The following ARHGAP6 variants were observed in gnomAD, a reference collection of about 807,000 sequenced individuals.
ARHGAP6 encodes rho GTPase-activating protein 6.
In ARHGAP6, 16 loss-of-function variants were observed where a neutral mutation model predicts 55.7. That is an observed-to-expected ratio of 0.29 (90% CI 0.19 to 0.44). The LOEUF (loss-of-function observed/expected upper bound fraction) is 0.44, where lower values mean the gene tolerates loss of function less well. Ranked by LOEUF, ARHGAP6 falls within the 20% of genes least tolerant of loss-of-function variation. The pLI, the probability that ARHGAP6 is intolerant of heterozygous loss-of-function variation, is 1.00. For synonymous variants in ARHGAP6, 382 were observed against 360.9 expected (o/e 1.06, Z -0.66); for missense variants, 698 against 808.9 (o/e 0.86, Z 1.66).
At chrX:11,283,015 A>G (rs774881980) in intron 1 of ARHGAP6, among the ~76,000 whole-genome samples, 29 of 111,666 alleles carry the variant, frequency 2.6e-4, no homozygotes, top group African/African-American at 7.5e-4. Flanking sequence ...CTATATCTCC[A>G]TGTGCTCTAT....
At chrX:11,533,097 A>G (rs1364896658) in intron 1 of ARHGAP6, among the ~76,000 whole-genome samples, 6 of 111,968 alleles carry the variant, frequency 5.4e-5, no homozygotes, top group African/African-American at 2.0e-4. Context: ...GGTAAACTGA[A>G]TAAAGAAGAT....
chrX:11,205,166 C>A (rs1400292527), intron 2 of ARHGAP6, among the ~76,000 whole-genome samples: 1 of 111,056 alleles, frequency 9.0e-6, no homozygotes, highest in Non-Finnish European at 1.9e-5. Flanking sequence ...GCATCACCTT[C>A]CTAGAAAGTA....
At chrX:11,225,803 A>C in intron 2 of ARHGAP6, 8 of 333,963 alleles carry the variant, frequency 2.4e-5, no homozygotes, top group Non-Finnish European at 4.2e-5. Context: ...AATACAACTC[A>C]TGAACAAAAA....
At chrX:11,195,445 T>C (rs1235243590) in intron 3 of ARHGAP6, among the ~76,000 whole-genome samples, 1 of 110,840 alleles carries the variant, frequency 9.0e-6, no homozygotes, top group Non-Finnish European at 1.9e-5. Context: ...TGACCATAAA[T>C]ACCTCAGAGA....
chrX:11,491,309 C>T (rs2050564246), intron 1 of ARHGAP6, among the ~76,000 whole-genome samples: 1 of 111,271 alleles, frequency 9.0e-6, no homozygotes, highest in African/African-American at 3.3e-5. Context: ...GCGTGCTGCA[C>T]CCATTAACCC....
chrX:11,565,002 G>C (rs921768698), intron 1 of ARHGAP6, among the ~76,000 whole-genome samples: 7 of 111,958 alleles, frequency 6.3e-5, no homozygotes, highest in African/African-American at 2.3e-4. Context: ...TACAGGAGTA[G>C]AGAAGACACT....
chrX:11,515,164 T>C (rs2050825876), intron 1 of ARHGAP6, among the ~76,000 whole-genome samples: 1 of 112,009 alleles, frequency 8.9e-6, no homozygotes, highest in Non-Finnish European at 1.9e-5. Context: ...CCATCCAAGA[T>C]AGATTGTCTT....
At chrX:11,272,952 G>A (rs1332906104) in intron 1 of ARHGAP6, among the ~76,000 whole-genome samples, 2 of 112,125 alleles carry the variant, frequency 1.8e-5, no homozygotes, top group Non-Finnish European at 3.8e-5. Context: ...AACTAGCCAT[G>A]TGAGTATCCA....
intron 1 of ARHGAP6, among the ~76,000 whole-genome samples, chrX:11,291,409 T>C (rs1293237830): frequency 4.5e-5 from 5 of 111,522 alleles, no homozygotes; most frequent in Non-Finnish European, 7.5e-5. Flanking sequence ...TATGGCCAAA[T>C]ATATCATCCT....
At chrX:11,396,759 G>A (rs961229289) in intron 1 of ARHGAP6, among the ~76,000 whole-genome samples, 30 of 100,087 alleles carry the variant, frequency 3.0e-4, no homozygotes, top group African/African-American at 1.1e-3. Context: ...TTTAACATAA[G>A]CTCAGACTTT....
chrX:11,638,021 C>G (rs1422648885), intron 1 of ARHGAP6, among the ~76,000 whole-genome samples: 1 of 111,016 alleles, frequency 9.0e-6, no homozygotes. Flanking sequence ...ATTTTTAATT[C>G]CCAAGAGGAA....
At chrX:11,597,808 T>C (rs1313910424) in intron 1 of ARHGAP6, among the ~76,000 whole-genome samples, 1 of 111,661 alleles carries the variant, frequency 9.0e-6, no homozygotes, top group East Asian at 2.8e-4. Flanking sequence ...GTGTGTTTTG[T>C]TTGTGAAAAA....
chrX:11,461,050 GA>G (rs1368237240), intron 1 of ARHGAP6, among the ~76,000 whole-genome samples: 1 of 111,913 alleles, frequency 8.9e-6, no homozygotes, highest in African/African-American at 3.3e-5. Context: ...CCTCCAAACT[GA>G]GATGCCACCA....
rs150910850 is a variant in ARHGAP6 at position 11,636,706 on chromosome X, C to T, written c.588+27535G>A. On this transcript the variant is annotated intron_variant, in intron 1 of 12. Transcript: ENST00000337414. ...ATTAAATGATTTGCTTGTTTAAAAT[C>T]AATTAAGATTTTGAAAAAGTGCTGC... is the stretch of plus-strand genomic sequence containing the variant. 1.1e-3 allele frequency among the ~76,000 whole-genome samples: 121 copies of T among 111,706 alleles called. 2 individuals are homozygous for T. The East Asian group carries it at 0.028, about 25-fold the overall frequency.
At chrX:11,304,786 T>G (rs1267467047) in intron 1 of ARHGAP6, among the ~76,000 whole-genome samples, 1 of 74,569 alleles carries the variant, frequency 1.3e-5, no homozygotes, top group Non-Finnish European at 2.6e-5. Context: ...ACTTTTTTTT[T>G]TTTTTTTTTT....
intron 2 of ARHGAP6, among the ~76,000 whole-genome samples, chrX:11,226,222 T>A (rs1429800059): frequency 9.8e-6 from 1 of 102,383 alleles, no homozygotes; most frequent in African/African-American, 3.5e-5. Context: ...AATTCCCACC[T>A]ATGAGTGAGA....
intron 1 of ARHGAP6, among the ~76,000 whole-genome samples, chrX:11,317,161 T>C (rs1194132220): frequency 8.9e-6 from 1 of 112,473 alleles, no homozygotes; most frequent in Non-Finnish European, 1.9e-5. Flanking sequence ...AAATGTTTCC[T>C]AGAATGTAAG....
At chrX:11,455,071 G>C (rs772732439) in intron 1 of ARHGAP6, among the ~76,000 whole-genome samples, 13 of 111,910 alleles carry the variant, frequency 1.2e-4, no homozygotes, top group Admixed American at 1.9e-4. Context: ...CCAATGGGTA[G>C]ATTCCAATAT....
chrX:11,143,877 G>C (rs868058571), intron 11 of ARHGAP6, 103 bp downstream of exon 11: 1 of 1,201,398 alleles, frequency 8.3e-7, no homozygotes, highest in Non-Finnish European at 1.1e-6. Context: ...CATCAAATAA[G>C]GGAGAGACGA....
Sources: allele counts gnomAD v4.1 joint callset (sites outside exome capture counted in the v4.1 genomes callset), GRCh38; gene constraint gnomAD v4.1.1; transcripts MANE v1.5; gene names NCBI Gene and HGNC (gene_info 2026-07-23, HGNC 2026-07-21).